The following TBC1D19 variants were observed in gnomAD, a reference collection of about 807,000 sequenced individuals.
TBC1D19 encodes TBC1 domain family member 19, also known as TBC1 domain family, member 19.
In TBC1D19, 60 loss-of-function variants were observed where a neutral mutation model predicts 89.0. That is an observed-to-expected ratio of 0.67 (90% confidence interval 0.55 to 0.84). The LOEUF (loss-of-function observed/expected upper bound fraction) is 0.84. TBC1D19 is among the 40% of genes least tolerant of loss of function. TBC1D19 has a pLI of 0.00. For missense variants in TBC1D19, 500 were observed against 610.8 expected (o/e 0.82, Z 1.91); for synonymous variants, 189 against 199.7 (o/e 0.95, Z 0.45).
chr4:26,662,021 T>C (rs1287822993), intron 8 of TBC1D19, among the ~76,000 whole-genome samples: 1 of 152,206 alleles, frequency 6.6e-6, no homozygotes, highest in African/African-American at 2.4e-5. Context: ...CTCACAGTTT[T>C]CCATTTCAGA....
the TBC1D19 span, among the ~76,000 whole-genome samples, chr4:26,842,743 T>A: frequency 3.3e-5 from 5 of 151,694 alleles, no homozygotes; most frequent in African/African-American, 1.2e-4. Flanking sequence ...GCTCAAGCAA[T>A]TTGCCTGCCT....
At chr4:26,597,523 C>CTTTT (rs1223042517) in intron 1 of TBC1D19, among the ~76,000 whole-genome samples, 12 of 115,064 alleles carry the variant, frequency 1.0e-4, no homozygotes, top group Middle Eastern at 5.2e-3. Context: ...CAGCTAGAGT[C>CTTTT]TTTTTTTTTT....
At chr4:26,644,531 C>T (rs193069462) in intron 7 of TBC1D19, among the ~76,000 whole-genome samples, 1 of 152,344 alleles carries the variant, frequency 6.6e-6, no homozygotes, top group Admixed American at 6.5e-5. Flanking sequence ...GATACCTTCT[C>T]TTACCACTCC....
chr4:26,844,483 A>T, the TBC1D19 span, among the ~76,000 whole-genome samples: 1 of 152,270 alleles, frequency 6.6e-6, no homozygotes, highest in Non-Finnish European at 1.5e-5. Flanking sequence ...AAAGCATTGT[A>T]ATGAAAATCC....
intron 12 of TBC1D19, among the ~76,000 whole-genome samples, chr4:26,686,413 G>A (rs1577932551): frequency 6.7e-6 from 1 of 150,058 alleles, no homozygotes; most frequent in African/African-American, 2.4e-5. Flanking sequence ...ATGGTTTTGT[G>A]TTTTGTTTTT....
upstream of TBC1D19, among the ~76,000 whole-genome samples, chr4:26,583,366 A>G (rs1282438019): frequency 6.6e-6 from 1 of 152,260 alleles, no homozygotes; most frequent in Admixed American, 6.5e-5. Context: ...TAAATGTTCA[A>G]TAAGTTGAAA....
chr4:26,828,882 T>C, the TBC1D19 span, among the ~76,000 whole-genome samples: 1 of 152,224 alleles, frequency 6.6e-6, no homozygotes, highest in Non-Finnish European at 1.5e-5. Context: ...ACATGTTAGA[T>C]TTTACTGGAC....
upstream of TBC1D19, among the ~76,000 whole-genome samples, chr4:26,579,260 C>A (rs1233795784): frequency 6.6e-6 from 1 of 152,172 alleles, no homozygotes; most frequent in African/African-American, 2.4e-5. Flanking sequence ...GACATCACGG[C>A]AGAAGAAACC....
the TBC1D19 span, among the ~76,000 whole-genome samples, chr4:26,805,190 A>G: frequency 2.6e-5 from 4 of 152,226 alleles, no homozygotes; most frequent in Non-Finnish European, 4.4e-5. Context: ...AAAAAAGTCC[A>G]TAAAGGAAGT....
chr4:26,632,309 G>C (rs1011036540), intron 4 of TBC1D19, among the ~76,000 whole-genome samples: 1 of 151,656 alleles, frequency 6.6e-6, no homozygotes, highest in South Asian at 2.1e-4. Context: ...ATAGCCTACT[G>C]TTGACCAGAA....
chr4:26,695,017 C>G (rs1309776532), intron 13 of TBC1D19, among the ~76,000 whole-genome samples: 1 of 152,202 alleles, frequency 6.6e-6, no homozygotes, highest in Non-Finnish European at 1.5e-5. Flanking sequence ...CAGCTCCTCA[C>G]CAGCAACGGA....
At chr4:26,735,580 T>C (rs1717995861) in intron 16 of TBC1D19, 93 bp downstream of exon 16, 3 of 1,190,906 alleles carry the variant, frequency 2.5e-6, no homozygotes. Flanking sequence ...ATAATTGTTT[T>C]ACTATAGTAA....
exon 1 of TBC1D19, chr4:26,576,784 A>G: frequency 2.2e-6 from 1 of 456,130 alleles, no homozygotes; most frequent in Non-Finnish European, 4.4e-6. Flanking sequence ...GTAAAATAAG[A>G]CTCTGGGATG....
intron 7 of TBC1D19, among the ~76,000 whole-genome samples, chr4:26,656,958 TTTCTTC>T (rs56762622): frequency 8.8e-4 from 42 of 47,858 alleles, no homozygotes; most frequent in East Asian, 4.9e-3. Flanking sequence ...CCCTGCAATC[TTTCTTC>T]TTCTTCTTCT....
chr4:26,720,910 T>G (rs1171847760), intron 15 of TBC1D19, among the ~76,000 whole-genome samples: 2 of 152,110 alleles, frequency 1.3e-5, no homozygotes, highest in Non-Finnish European at 2.9e-5. Flanking sequence ...GTGCCTGACA[T>G]GTAGTGAGTG....
intron 4 of TBC1D19, among the ~76,000 whole-genome samples, chr4:26,629,842 AATAT>A (rs1742690865): frequency 6.6e-6 from 1 of 151,894 alleles, no homozygotes; most frequent in Admixed American, 6.6e-5. Flanking sequence ...TTTAATCCAA[AATAT>A]ATATGTTTTT....
At chr4:26,742,788 A>G (rs1194572958) in intron 18 of TBC1D19, among the ~76,000 whole-genome samples, 189 bp downstream of exon 18, 1 of 152,188 alleles carries the variant, frequency 6.6e-6, no homozygotes, top group East Asian at 1.9e-4. Context: ...AGAATTACCA[A>G]AATCCTAATA....
the TBC1D19 span, among the ~76,000 whole-genome samples, chr4:26,764,450 C>G: frequency 6.6e-6 from 1 of 152,138 alleles, no homozygotes; most frequent in Non-Finnish European, 1.5e-5. Context: ...TTTTTAAAAG[C>G]TGAGGAGCCC....
chr4:26,664,973 G>T (rs1208931780), intron 8 of TBC1D19, among the ~76,000 whole-genome samples: 2 of 152,104 alleles, frequency 1.3e-5, no homozygotes, highest in African/African-American at 4.8e-5. Flanking sequence ...CTGGCTCTCA[G>T]TCCTCACTCT....
Sources: allele counts gnomAD v4.1 joint callset (sites outside exome capture counted in the v4.1 genomes callset), GRCh38; gene constraint gnomAD v4.1.1; transcripts MANE v1.5; gene names NCBI Gene and HGNC (gene_info 2026-07-23, HGNC 2026-07-21).